LSM1: variants seen among roughly 807,000 people sequenced by gnomAD.
LSM1 encodes the protein U6 snRNA-associated Sm-like protein LSm1.
LSM1 carries 13 observed loss-of-function variants against 18.0 expected under a neutral mutation model. The ratio of observed to expected loss-of-function variants is 0.72; its 90% CI spans 0.47 to 1.15. The LOEUF is 1.15. Among genes scored for constraint, LSM1 ranks in the 50% most tolerant of loss-of-function variants. LSM1 has a pLI of 0.00. For synonymous variants in LSM1, 46 were observed against 56.0 expected (o/e 0.82, Z 0.80); for missense variants, 152 against 157.7 (o/e 0.96, Z 0.19).
At chr8:38,176,668 C>T (rs1255831289), upstream of LSM1, 3 of 612,820 alleles carry the variant, frequency 4.9e-6, no homozygotes, top group Non-Finnish European at 8.0e-6. Context: ...CCTTCGTCTC[C>T]GGGTTCCCGA....
intron 3 of LSM1, among the ~76,000 whole-genome samples, chr8:38,165,472 A>G (rs1802913192): frequency 6.6e-6 from 1 of 152,176 alleles, no homozygotes; most frequent in Admixed American, 6.5e-5. Context: ...CCATAATTCC[A>G]GTATGGAGGA....
At chr8:38,167,158 A>T (rs1802946031) in intron 3 of LSM1, among the ~76,000 whole-genome samples, 2 of 152,114 alleles carry the variant, frequency 1.3e-5, no homozygotes, top group African/African-American at 4.8e-5. Context: ...ACCATAACAT[A>T]TTTTTTTAAA....
chr8:38,171,161 C>A (rs1323556265), intron 2 of LSM1: 3 of 242,742 alleles, frequency 1.2e-5, no homozygotes, highest in Non-Finnish European at 1.8e-5. Flanking sequence ...GCCTTCTACC[C>A]AATTTTCATT....
intron 3 of LSM1, among the ~76,000 whole-genome samples, chr8:38,164,526 TTTAA>T (rs1233007460): frequency 6.6e-6 from 1 of 151,958 alleles, no homozygotes; most frequent in African/African-American, 2.4e-5. Context: ...TTTTTTTTTT[TTTAA>T]TTATTTTAAG....
At chr8:38,175,233 T>C (rs934936503) in intron 1 of LSM1, among the ~76,000 whole-genome samples, 1 of 151,746 alleles carries the variant, frequency 6.6e-6, no homozygotes, top group Admixed American at 6.6e-5. Context: ...GGCACCGCCA[T>C]AGTGCCCAGC....
chr8:38,176,095 A>G, intron 1 of LSM1, 180 bp downstream of exon 1: 1 of 510,480 alleles, frequency 2.0e-6, no homozygotes, highest in South Asian at 2.7e-5. Flanking sequence ...GCAGCAGGCT[A>G]CTGGGTGGGC....
intron 3 of LSM1, among the ~76,000 whole-genome samples, chr8:38,167,121 C>T (rs1320879850): frequency 6.6e-6 from 1 of 152,092 alleles, no homozygotes; most frequent in African/African-American, 2.4e-5. Flanking sequence ...TGTAGTGGTA[C>T]CCCTGTAAAA....
chr8:38,172,082 G>A (rs1803039275), intron 1 of LSM1, 49 bp from the exon 2 acceptor site: 6 of 1,244,872 alleles, frequency 4.8e-6, no homozygotes, highest in Non-Finnish European at 7.0e-6. Flanking sequence ...CAAGTTCAGC[G>A]AGTATTTAGG....
chr8:38,163,350 A>G lies in LSM1; in HGVS notation c.*320T>C, dbSNP rs141144159. On this transcript the variant is annotated 3_prime_UTR_variant, in exon 4 of 4. Transcript: ENST00000311351. ...AAATAACATGACACTTTTGAGATTC[A>G]TATTTTATTTACAAGTAAATGAAGA... 2.8e-5 allele frequency: 6 copies of G among 212,240 alleles called. No homozygotes were observed. Among genetic ancestry groups the G allele is most frequent in the Non-Finnish European group, 5.7e-5 (6 of 104,866 alleles). The allele number at this position is 212,240 out of a possible 1,614,324, so 13.1% of individuals were successfully genotyped here.
intron 3 of LSM1, among the ~76,000 whole-genome samples, chr8:38,164,336 A>G (rs887703058): frequency 2.7e-4 from 41 of 152,014 alleles, no homozygotes; most frequent in Non-Finnish European, 3.7e-4. Context: ...ATAGGCAGTA[A>G]TAAGTATTTG....
intron 3 of LSM1, among the ~76,000 whole-genome samples, chr8:38,165,404 TAC>T (rs1465605681): frequency 6.6e-6 from 1 of 151,308 alleles, no homozygotes; most frequent in Non-Finnish European, 1.5e-5. Context: ...ATTTAAAAAA[TAC>T]ACACTCATCG....
intron 3 of LSM1, among the ~76,000 whole-genome samples, chr8:38,167,111 T>G (rs1802944581): frequency 6.6e-6 from 1 of 152,204 alleles, no homozygotes; most frequent in Non-Finnish European, 1.5e-5. Flanking sequence ...ACCAAGTTTC[T>G]GTAGTGGTAC....
intron 3 of LSM1, 129 bp downstream of exon 3, chr8:38,169,673 A>G (rs1220577049): frequency 5.3e-6 from 3 of 567,130 alleles, no homozygotes; most frequent in Admixed American, 6.7e-5. Flanking sequence ...CCCTAAATTA[A>G]TTTGGTAGTT....
intron 1 of LSM1, among the ~76,000 whole-genome samples, chr8:38,174,580 T>C (rs1409973393): frequency 1.3e-5 from 2 of 151,970 alleles, no homozygotes; most frequent in Non-Finnish European, 1.5e-5. Flanking sequence ...TGTTAGAGGA[T>C]ATATAAGGAG....
At chr8:38,168,556 A>G (rs1585639512) in intron 3 of LSM1, among the ~76,000 whole-genome samples, 1 of 148,010 alleles carries the variant, frequency 6.8e-6, no homozygotes, top group Non-Finnish European at 1.5e-5. Flanking sequence ...ATGCCATTGC[A>G]CTCCAGCCTG....
intron 2 of LSM1, 92 bp downstream of exon 2, chr8:38,171,872 GT>G (rs1803035579): frequency 1.1e-6 from 1 of 914,398 alleles, no homozygotes; most frequent in African/African-American, 1.7e-5. Context: ...ACGTGAAAAA[GT>G]TGCAGATAAA....
At chr8:38,172,262 C>A (rs1254209676) in intron 1 of LSM1, among the ~76,000 whole-genome samples, 1 of 150,332 alleles carries the variant, frequency 6.7e-6, no homozygotes, top group Non-Finnish European at 1.5e-5. Flanking sequence ...CAGGGCGTGG[C>A]ACCAGGAAGC....
intron 3 of LSM1, among the ~76,000 whole-genome samples, chr8:38,164,906 G>A (rs1802904447): frequency 6.6e-6 from 1 of 152,140 alleles, no homozygotes; most frequent in Non-Finnish European, 1.5e-5. Flanking sequence ...CTACAGGTGT[G>A]CGCCACCGTA....
In LSM1 at chr8:38,169,950, T is replaced by C. The variant is rs201060186; in HGVS notation, c.116-33A>G. The C allele has an allele frequency of 6.4e-4, 698 of 1,094,040 alleles. 4 individuals are homozygous for C. Among genetic ancestry groups the C allele is most frequent in the Admixed American group, 1.4e-4 (8 of 57,022 alleles). 67.8% of individuals were successfully genotyped at this position (1,094,040 alleles called of 1,614,324 possible). Reference sequence around the variant, plus strand: ...TGTATAGGGAAAAACCAAAGATATTTAGTTTAAACTACTGGGTAAAGGCCC... The same window carrying C: ...TGTATAGGGAAAAACCAAAGATATTCAGTTTAAACTACTGGGTAAAGGCCC... On this transcript the variant is annotated intron_variant, in intron 2 of 3. Transcript: ENST00000311351.
Sources: gnomAD v4.1 joint callset for allele counts (sites outside exome capture counted in the v4.1 genomes callset) on GRCh38, gnomAD v4.1.1 for gene constraint, MANE v1.5 for transcripts, NCBI Gene and HGNC (gene_info 2026-07-23, HGNC 2026-07-21) for gene names.